Variants in SMOC1 observed in about 807,000 individuals in gnomAD.
SMOC1 encodes the protein SPARC-related modular calcium-binding protein 1.
A neutral mutation model predicts 56.3 loss-of-function variants in SMOC1; 22 were observed. That is an observed-to-expected ratio of 0.39 (90% CI 0.28 to 0.56). SMOC1 has a LOEUF of 0.56. Among genes scored for constraint, SMOC1 ranks in the 20% least tolerant of loss-of-function variants. The pLI is 0.61. For synonymous variants in SMOC1, 193 were observed against 215.0 expected, an observed-to-expected ratio of 0.90 and a Z score of 0.89; for missense variants, 509 against 565.4, an observed-to-expected ratio of 0.90 and a Z score of 1.01.
At chr14:69,903,379 C>G (rs188421630) in intron 1 of SMOC1, among the ~76,000 whole-genome samples, 1 of 151,946 alleles carries the variant, frequency 6.6e-6, no homozygotes, top group African/African-American at 2.4e-5. Context: ...CCCCTCGGCC[C>G]GGCCGCCACC....
intron 1 of SMOC1, among the ~76,000 whole-genome samples, chr14:69,882,512 G>A (rs961690905): frequency 6.6e-6 from 1 of 152,200 alleles, no homozygotes; most frequent in African/African-American, 2.4e-5. Flanking sequence ...AGGCTATTAT[G>A]TAGGAAGCAC....
chr14:70,017,968 C>T (rs1172006674), intron 10 of SMOC1, among the ~76,000 whole-genome samples: 3 of 151,956 alleles, frequency 2.0e-5, no homozygotes, highest in African/African-American at 7.3e-5. Context: ...GCAGAGGGGA[C>T]CATGTGGGTA....
chr14:69,882,279 A>ACC (rs1883663194), intron 1 of SMOC1, among the ~76,000 whole-genome samples: 2 of 152,164 alleles, frequency 1.3e-5, no homozygotes, highest in Non-Finnish European at 2.9e-5. Context: ...TCTTCTGTTA[A>ACC]TCTTTTGAGT....
At chr14:70,008,997 T>G (rs557273107) in intron 7 of SMOC1, among the ~76,000 whole-genome samples, 2 of 152,220 alleles carry the variant, frequency 1.3e-5, no homozygotes, top group African/African-American at 2.4e-5. Flanking sequence ...GTCTCTTTCC[T>G]GTCTCTAGAT....
chr14:69,995,762 A>G (rs1884740280), intron 7 of SMOC1, among the ~76,000 whole-genome samples: 1 of 152,202 alleles, frequency 6.6e-6, no homozygotes, highest in Admixed American at 6.5e-5. Context: ...ACATATATTT[A>G]TTATTATCAT....
At chr14:70,020,603 A>G (rs1885678812) in intron 10 of SMOC1, among the ~76,000 whole-genome samples, 1 of 152,120 alleles carries the variant, frequency 6.6e-6, no homozygotes. Context: ...ATCTCTCCTG[A>G]GGAAGTGAAT....
At chr14:69,912,488 G>A (rs191549706) in intron 1 of SMOC1, among the ~76,000 whole-genome samples, 23 of 152,292 alleles carry the variant, frequency 1.5e-4, no homozygotes, top group South Asian at 4.1e-4. Flanking sequence ...CTGGCCTCAT[G>A]CAGTCCTCCC....
intron 1 of SMOC1, among the ~76,000 whole-genome samples, chr14:69,935,131 C>G (rs1885263545): frequency 6.6e-6 from 1 of 152,152 alleles, no homozygotes; most frequent in Non-Finnish European, 1.5e-5. Context: ...TAAATGTAGT[C>G]TTCTTTCTTG....
intron 11 of SMOC1, among the ~76,000 whole-genome samples, chr14:70,027,519 G>C (rs573732368): frequency 6.6e-6 from 1 of 152,248 alleles, no homozygotes; most frequent in South Asian, 2.1e-4. Flanking sequence ...AGTGCCTATG[G>C]GATGACGGAC....
At chr14:69,976,127 T>G (rs574167671) in intron 4 of SMOC1, among the ~76,000 whole-genome samples, 1 of 152,338 alleles carries the variant, frequency 6.6e-6, no homozygotes, top group Non-Finnish European at 1.5e-5. Flanking sequence ...TGATTCTGAT[T>G]GCTAGTGGCT....
intron 1 of SMOC1, among the ~76,000 whole-genome samples, chr14:69,892,443 G>T (rs147500970): frequency 1.3e-3 from 199 of 152,344 alleles, no homozygotes; most frequent in Non-Finnish European, 2.4e-3. Context: ...GTGTTGGTAA[G>T]CAAGCTGTAT....
intron 1 of SMOC1, among the ~76,000 whole-genome samples, chr14:69,927,836 G>A (rs1207643605): frequency 6.6e-6 from 1 of 152,188 alleles, no homozygotes; most frequent in African/African-American, 2.4e-5. Flanking sequence ...CAAGTACTTG[G>A]CAGGACTGAG....
At chr14:69,982,197 A>C (rs1434255967) in intron 5 of SMOC1, among the ~76,000 whole-genome samples, 2 of 152,170 alleles carry the variant, frequency 1.3e-5, no homozygotes. Flanking sequence ...AAGCAAGAGA[A>C]AAATAAAAAT....
intron 11 of SMOC1, among the ~76,000 whole-genome samples, chr14:70,030,003 C>G (rs945052616): frequency 9.2e-5 from 14 of 152,190 alleles, no homozygotes; most frequent in Non-Finnish European, 2.1e-4. Flanking sequence ...AGACTTATTT[C>G]AGTTGCAGTG....
At chr14:69,956,716 T>C (rs1321008332) in intron 3 of SMOC1, among the ~76,000 whole-genome samples, 2 of 152,086 alleles carry the variant, frequency 1.3e-5, no homozygotes, top group Non-Finnish European at 2.9e-5. Flanking sequence ...CCTCTGTTCT[T>C]TCCCTTTGTT....
In SMOC1 at chr14:69,879,868, G is replaced by C. The variant is rs1883587335; in HGVS notation, c.99+91G>C. On this transcript the variant is annotated intron_variant, in intron 1 of 11. Coordinates refer to ENST00000361956, the MANE Select transcript of SMOC1 (RefSeq NM_001034852.3). ...TGAGGGAAGGAGGAGGGGGAAGAGA[G>C]ATGTCAGAGACCTGTTGTCCTCTGT... is the stretch of plus-strand genomic sequence containing the variant. 3.4e-6 allele frequency: 4 copies of C among 1,176,386 alleles called. No individual in the cohort carries two copies. In the African/African-American group the frequency reaches 6.3e-5, roughly 18 times the overall value. 72.9% of individuals were successfully genotyped at this position (1,176,386 alleles called of 1,614,324 possible).
At chr14:69,954,099 ATCT>A (rs984704032) in intron 3 of SMOC1, among the ~76,000 whole-genome samples, 4 of 152,106 alleles carry the variant, frequency 2.6e-5, no homozygotes. Context: ...ATCTTGCATG[ATCT>A]TCTGGTTAGT....
At chr14:70,020,580 A>C (rs943589135) in intron 10 of SMOC1, among the ~76,000 whole-genome samples, 1 of 152,098 alleles carries the variant, frequency 6.6e-6, no homozygotes, top group African/African-American at 2.4e-5. Flanking sequence ...CACTACCTGG[A>C]GGGGCTCAGA....
intron 6 of SMOC1, 41 bp downstream of exon 6, chr14:69,992,514 A>AT: frequency 6.8e-7 from 1 of 1,466,954 alleles, no homozygotes; most frequent in African/African-American, 1.4e-5. Flanking sequence ...TCTCCCACTC[A>AT]TTTTCAGGTT....
Sources: gnomAD v4.1 joint callset for allele counts (sites outside exome capture counted in the v4.1 genomes callset) on GRCh38, gnomAD v4.1.1 for gene constraint, MANE v1.5 for transcripts, NCBI Gene and HGNC (gene_info 2026-07-23, HGNC 2026-07-21) for gene names.